SGCZ: variants seen among roughly 807,000 people sequenced by gnomAD.
The protein encoded by SGCZ is sarcoglycan zeta.
Under a neutral mutation model 41.3 loss-of-function variants are expected in SGCZ, and 40 were observed. The ratio of observed to expected loss-of-function variants is 0.97; its 90% CI spans 0.75 to 1.26. The LOEUF is 1.26. Among genes scored for constraint, SGCZ ranks in the 50% most tolerant of loss-of-function variants. The pLI is 0.00. For missense variants in SGCZ, 552 were observed against 369.8 expected (o/e 1.49, Z -4.04); for synonymous variants, 206 against 137.5 (o/e 1.50, Z -3.49).
intron 1 of SGCZ, among the ~76,000 whole-genome samples, chr8:14,798,412 G>A (rs939066866): frequency 2.6e-5 from 4 of 152,216 alleles, no homozygotes; most frequent in African/African-American, 9.6e-5. Flanking sequence ...TTTTATAGAT[G>A]CCATTCTCTG....
chr8:14,297,589 T>G lies in SGCZ; in HGVS notation c.336+26514A>C, dbSNP rs1013922859. Among the ~76,000 whole-genome samples the G allele has an allele frequency of 2.6e-5, 4 of 151,938 alleles. No homozygotes were observed. The East Asian group carries it at 7.7e-4, about 29-fold the overall frequency. ...GCAAAGACAATAATATAGAGCACATTAAAGAAATAATAGGAGATATTATAA... is the reference window on the plus strand; with the variant it reads ...GCAAAGACAATAATATAGAGCACATGAAAGAAATAATAGGAGATATTATAA... On this transcript the variant is annotated intron_variant, in intron 3 of 7. Transcript: ENST00000382080.
chr8:14,369,770 T>C (rs1419235648), intron 2 of SGCZ, among the ~76,000 whole-genome samples: 1 of 152,008 alleles, frequency 6.6e-6, no homozygotes, highest in Non-Finnish European at 1.5e-5. Flanking sequence ...AATACAATTT[T>C]TTCCTCTCTT....
At chr8:14,805,687 C>G (rs1184529569) in intron 1 of SGCZ, among the ~76,000 whole-genome samples, 13 of 151,802 alleles carry the variant, frequency 8.6e-5, no homozygotes, top group African/African-American at 2.9e-4. Flanking sequence ...AGAAAGTCAC[C>G]AAGGATACCC....
intron 2 of SGCZ, among the ~76,000 whole-genome samples, chr8:14,329,862 T>TA (rs1802252126): frequency 6.6e-6 from 1 of 152,088 alleles, no homozygotes; most frequent in Non-Finnish European, 1.5e-5. Flanking sequence ...GTATTTGCTT[T>TA]TTTTTCATCA....
chr8:14,366,099 C>T (rs1345137609), intron 2 of SGCZ, among the ~76,000 whole-genome samples: 1 of 152,044 alleles, frequency 6.6e-6, no homozygotes, highest in East Asian at 1.9e-4. Flanking sequence ...TCAATAAATG[C>T]CACTAGAGTC....
chr8:14,420,130 G>T (rs545293685), intron 2 of SGCZ, among the ~76,000 whole-genome samples: 1 of 151,956 alleles, frequency 6.6e-6, no homozygotes, highest in East Asian at 1.9e-4. Flanking sequence ...CTGCATTGAA[G>T]GGCTTATGAT....
intron 2 of SGCZ, among the ~76,000 whole-genome samples, chr8:14,420,152 A>G (rs1008581936): frequency 6.6e-6 from 1 of 151,988 alleles, no homozygotes; most frequent in Admixed American, 6.6e-5. Context: ...CTTGTCCTAT[A>G]ATAATTCTAT....
In SGCZ at chr8:14,400,390, T is replaced by C. The variant is rs1408108192; in HGVS notation, c.235-76186A>G. ...GGTAGATAGAACATTTACCACTTTG[T>C]AGCTATTCACAAAGTTGCTACCACT... On this transcript the variant is annotated intron_variant, in intron 2 of 7. Coordinates refer to ENST00000382080, the MANE Select transcript of SGCZ (RefSeq NM_139167.4). Among the ~76,000 whole-genome samples, 5 of 152,278 alleles carry C rather than the reference T, an allele frequency of 3.3e-5. No homozygotes were observed. In the East Asian group the frequency reaches 9.6e-4, roughly 29 times the overall value.
intron 4 of SGCZ, among the ~76,000 whole-genome samples, chr8:14,224,863 T>G (rs11776720): frequency 0.04 from 6,111 of 152,292 alleles, 171 homozygotes; most frequent in Middle Eastern, 0.11. Context: ...TTACTTATAC[T>G]GTGACCCTAC....
intron 1 of SGCZ, among the ~76,000 whole-genome samples, chr8:14,855,185 T>C (rs954713058): frequency 2.0e-5 from 3 of 151,934 alleles, no homozygotes; most frequent in Non-Finnish European, 2.9e-5. Context: ...CCTGAGTAGC[T>C]GGGAATAAGG....
chr8:14,535,429 T>A (rs1165647862), intron 2 of SGCZ, among the ~76,000 whole-genome samples: 1 of 151,878 alleles, frequency 6.6e-6, no homozygotes, highest in African/African-American at 2.4e-5. Flanking sequence ...AGGTTACATC[T>A]GGTAAAAGGT....
At chr8:14,615,754 C>T (rs574208566) in intron 1 of SGCZ, among the ~76,000 whole-genome samples, 1 of 152,276 alleles carries the variant, frequency 6.6e-6, no homozygotes, top group Admixed American at 6.5e-5. Flanking sequence ...TGTTTTATCA[C>T]AACCTAGAGT....
At chr8:14,436,000 A>G (rs531847259) in intron 2 of SGCZ, among the ~76,000 whole-genome samples, 1 of 152,220 alleles carries the variant, frequency 6.6e-6, no homozygotes, top group African/African-American at 2.4e-5. Context: ...ATGGGGAAAC[A>G]TAAAGGAAGT....
intron 1 of SGCZ, among the ~76,000 whole-genome samples, chr8:15,051,612 A>G (rs1164759759): frequency 6.6e-6 from 1 of 152,080 alleles, no homozygotes; most frequent in Admixed American, 6.6e-5. Context: ...ACTTGTTCCA[A>G]TTCTAGGAAT....
chr8:14,936,781 G>T (rs184997943), intron 1 of SGCZ, among the ~76,000 whole-genome samples: 2 of 151,616 alleles, frequency 1.3e-5, no homozygotes, highest in Non-Finnish European at 3.0e-5. Flanking sequence ...AATGAGATTC[G>T]AAATTATGAA....
intron 2 of SGCZ, among the ~76,000 whole-genome samples, chr8:14,326,104 T>G (rs111554500): frequency 0.09 from 66 of 736 alleles, 1 homozygote; most frequent in South Asian, 0.46. Flanking sequence ...AGAGTGAGAC[T>G]CCGTCTCAAA....
chr8:15,102,901 G>C (rs1274958752), intron 1 of SGCZ, among the ~76,000 whole-genome samples: 1 of 152,088 alleles, frequency 6.6e-6, no homozygotes, highest in East Asian at 1.9e-4. Context: ...CCAAGACTGT[G>C]AGTAGATTCT....
intron 1 of SGCZ, among the ~76,000 whole-genome samples, chr8:14,630,626 T>C (rs1253691642): frequency 1.3e-5 from 2 of 152,012 alleles, no homozygotes; most frequent in African/African-American, 4.8e-5. Context: ...CCAACCCAAA[T>C]GTCCAAAAAT....
At chr8:14,237,552 C>T in intron 4 of SGCZ, 40 bp downstream of exon 4, 1 of 1,553,108 alleles carries the variant, frequency 6.4e-7, no homozygotes, top group Non-Finnish European at 8.8e-7. Flanking sequence ...ACAAAAAAAA[C>T]CAAGCACAGT....
Sources: allele counts gnomAD v4.1 joint callset (sites outside exome capture counted in the v4.1 genomes callset), GRCh38; gene constraint gnomAD v4.1.1; transcripts MANE v1.5; gene names NCBI Gene and HGNC (gene_info 2026-07-23, HGNC 2026-07-21).